The following DMBT1 variants were observed in gnomAD, a reference collection of about 807,000 sequenced individuals.
DMBT1 encodes the protein scavenger receptor cysteine-rich domain-containing protein DMBT1.
DMBT1 carries 198 observed loss-of-function variants against 252.9 expected under a neutral mutation model. The ratio of observed to expected loss-of-function variants is 0.78; its 90% CI spans 0.70 to 0.88. The LOEUF is 0.88. DMBT1 is among the 40% of genes least tolerant of loss of function. The pLI, the probability that DMBT1 is intolerant of heterozygous loss-of-function variation, is 0.00. For synonymous variants in DMBT1, 990 were observed against 942.7 expected (o/e 1.05, Z -0.92); for missense variants, 2,432 against 2,404.7 (o/e 1.01, Z -0.24).
Position 122,631,839 on chromosome 10 carries a change from T to A in DMBT1, c.6347-16T>A. 1 of 1,613,860 alleles carries A rather than the reference T, an allele frequency of 6.2e-7. No homozygotes were observed. Among genetic ancestry groups the A allele is most frequent in the East Asian group, 2.2e-5 (1 of 44,856 alleles). On this transcript the variant is annotated splice_polypyrimidine_tract_variant and intron_variant, in intron 49 of 55. Coordinates refer to ENST00000338354, the MANE Select transcript of DMBT1 (RefSeq NM_001377530.1). ...ACATGTCTGTGACCTATGCTTTTTT[T>A]CTATTCCTTTTTCAGGAAACCATCT... is the stretch of plus-strand genomic sequence containing the variant.
At chr10:122,618,475 G>C (rs1242177653) in intron 41 of DMBT1, 135 bp downstream of exon 41, 2 of 1,492,268 alleles carry the variant, frequency 1.3e-6, no homozygotes, top group Admixed American at 4.7e-5. Context: ...TTAGCTCTCT[G>C]CTAAGAATCT....
At chr10:122,568,270 G>A (rs372525217) in intron 2 of DMBT1, among the ~76,000 whole-genome samples, 33 of 152,206 alleles carry the variant, frequency 2.2e-4, no homozygotes, top group African/African-American at 7.9e-4. Flanking sequence ...GGGATGATGT[G>A]GGGGGTAGGA....
At chr10:122,590,211 C>A (rs1378800544) in intron 17 of DMBT1, among the ~76,000 whole-genome samples, 1 of 148,896 alleles carries the variant, frequency 6.7e-6, no homozygotes. Flanking sequence ...GAGTGCTTGA[C>A]TGCAATTCCC....
chr10:122,621,130 T>C lies in DMBT1; in HGVS notation c.5358T>C (p.Tyr1786=), dbSNP rs776976248. ...GTCGAGGCCGAGTGGAGGTCCTGTA[T>C]CGAGGCTCCTGGGGAACCGTGTGTG... ...DRCRGRVEVL[Y]RGSWGTVCDD... The change falls in exon 44 of 56, where the codon TAT becomes TAC. Residue 1786 remains tyrosine (Y), a synonymous_variant. Coordinates refer to ENST00000338354, the MANE Select transcript of DMBT1 (RefSeq NM_001377530.1). 1.9e-6 allele frequency: 3 copies of C among 1,613,740 alleles called. No homozygotes were observed. Among genetic ancestry groups the C allele is most frequent in the Non-Finnish European group, 2.5e-6 (3 of 1,179,740 alleles).
chr10:122,634,403 T>TC (rs1225735537), intron 52 of DMBT1, among the ~76,000 whole-genome samples: 36 of 140,810 alleles, frequency 2.6e-4, no homozygotes, highest in Non-Finnish European at 5.0e-4. Flanking sequence ...TTTCTTTCTT[T>TC]TCTTTCTTTC....
intron 8 of DMBT1, among the ~76,000 whole-genome samples, chr10:122,578,124 C>A (rs534727135): frequency 4.9e-4 from 75 of 152,300 alleles, no homozygotes; most frequent in Non-Finnish European, 9.6e-4. Context: ...TGAGCTTTGG[C>A]CTCTTTATAT....
At chr10:122,637,748 A>C (rs889561234) in intron 54 of DMBT1, among the ~76,000 whole-genome samples, 1 of 152,242 alleles carries the variant, frequency 6.6e-6, no homozygotes, top group African/African-American at 2.4e-5. Flanking sequence ...CTGTGCAAAC[A>C]CATTGCTAGG....
Position 122,564,025 on chromosome 10 carries a change from C to T in DMBT1, c.62-1942C>T, listed in dbSNP as rs540177878. On this transcript the variant is annotated intron_variant, in intron 1 of 55. Transcript: ENST00000338354. ...GTGGGGATGTTCTGGTACAGAGTTCCCTAGTTTGCTATCTCTGTTGAAAGA... is the reference window on the plus strand; with the variant it reads ...GTGGGGATGTTCTGGTACAGAGTTCTCTAGTTTGCTATCTCTGTTGAAAGA... Among the ~76,000 whole-genome samples the T allele has an allele frequency of 9.2e-5, 14 of 152,272 alleles. No homozygotes were observed. In the South Asian group the frequency reaches 2.5e-3, roughly 27 times the overall value.
rs201204443 is a variant in DMBT1, at chr10:122,592,403, G to A, written c.2308G>A (p.Val770Ile). The A allele has an allele frequency of 9.4e-5, 149 of 1,588,586 alleles. 2 individuals are homozygous for A. In the African/African-American group the frequency reaches 1.7e-3, roughly 18 times the overall value. The change falls in exon 20 of 56, where the codon GTC (valine) becomes ATC (isoleucine). Residue 770 changes from valine (V) to isoleucine (I), a missense_variant. Around this residue, in one of 3 missense-constraint regions of DMBT1, gnomAD observed 1,264 missense variants for 1,082.2 expected, o/e 1.17. Transcript: ENST00000338354. ...CTGGGATACCAATGATGCCAATGTGGTCTGCAGGCAGCTGGGCTGTGGCTG... is the reference window on the plus strand; with the variant it reads ...CTGGGATACCAATGATGCCAATGTGATCTGCAGGCAGCTGGGCTGTGGCTG... ...DSWDTNDANV[V>I]CRQLGCGWAT...
chr10:122,625,733 G>A (rs188549286), intron 45 of DMBT1, among the ~76,000 whole-genome samples, 200 bp from the exon 46 acceptor site: 1 of 152,336 alleles, frequency 6.6e-6, no homozygotes, highest in South Asian at 2.1e-4. Context: ...GTGCCACAGT[G>A]AAAATATCCT....
Position 122,640,209 on chromosome 10 carries a change from C to G in DMBT1, c.7112C>G (p.Thr2371Ser). 1.9e-6 allele frequency: 3 copies of G among 1,614,064 alleles called. No individual in the cohort carries two copies. Among genetic ancestry groups the G allele is most frequent in the Non-Finnish European group, 2.5e-6 (3 of 1,179,902 alleles). The change falls in exon 55 of 56, where the codon ACC becomes AGC. Residue 2371 changes from threonine (T) to serine (S), a missense_variant. Thr to Ser is a moderately conservative substitution (Grantham distance 58, BLOSUM62 1). Coordinates refer to ENST00000338354, the MANE Select transcript of DMBT1 (RefSeq NM_001377530.1). ...GACACCATCCACGTTGCTAATAACA[C>G]CATCCAGGTCGAGGAAGTCCAGTAT... is the stretch of plus-strand genomic sequence containing the variant. ...ANDTIHVANN[T>S]IQVEEVQYGN...
chr10:122,631,608 A>G (rs749857769), intron 49 of DMBT1, among the ~76,000 whole-genome samples: 1 of 152,168 alleles, frequency 6.6e-6, no homozygotes, highest in Non-Finnish European at 1.5e-5. Context: ...TAGAACAATC[A>G]TGGTCAAGGA....
chr10:122,596,953 T>C, intron 23 of DMBT1, 72 bp from the exon 24 acceptor site: 2 of 413,416 alleles, frequency 4.8e-6, no homozygotes, highest in Non-Finnish European at 8.1e-6. Context: ...ATCTGTTTAG[T>C]TCCTTCCACC....
intron 17 of DMBT1, 65 bp from the exon 18 acceptor site, chr10:122,590,600 T>C: frequency 6.4e-7 from 1 of 1,555,968 alleles, no homozygotes; most frequent in Admixed American, 1.7e-5. Flanking sequence ...TAGTTCCTTG[T>C]ACCTTTGTTC....
Position 122,579,772 on chromosome 10 carries a change from G to A in DMBT1, c.874G>A (p.Gly292Ser). The change falls in exon 10 of 56, where the codon GGC becomes AGC. Residue 292 changes from glycine (G) to serine (S), a missense_variant. By Grantham distance (56) the Gly-to-Ser change is moderately conservative. Around this residue, in one of 3 missense-constraint regions of DMBT1, gnomAD observed 1,264 missense variants for 1,082.2 expected, o/e 1.17. Coordinates refer to ENST00000338354, the MANE Select transcript of DMBT1 (RefSeq NM_001377530.1). ...SAPGNAQFGQ[G>S]SGPIVLDDVR... ...CCCAGGAAATGCCCAGTTTGGCCAGGGCTCAGGACCCATTGTCCTGGATGA... is the reference window on the plus strand; with the variant it reads ...CCCAGGAAATGCCCAGTTTGGCCAGAGCTCAGGACCCATTGTCCTGGATGA... The A allele has an allele frequency of 1.2e-6, 2 of 1,613,826 alleles. No homozygotes were observed. Among genetic ancestry groups the A allele is most frequent in the Admixed American group, 1.7e-5 (1 of 60,014 alleles).
intron 43 of DMBT1, among the ~76,000 whole-genome samples, chr10:122,620,517 A>G (rs928085747): frequency 2.6e-5 from 4 of 152,156 alleles, no homozygotes; most frequent in Admixed American, 1.3e-4. Context: ...GTAGTCAGGA[A>G]AGATCCTCAG....
chr10:122,631,281 G>C lies in DMBT1; in HGVS notation c.6346G>C (p.Gly2116Arg). 1.2e-6 allele frequency: 2 copies of C among 1,612,698 alleles called. 1 individual carries two copies. Among genetic ancestry groups the C allele is most frequent in the South Asian group, 2.2e-5 (2 of 91,062 alleles). ...TGAAGATGCTGGTGTCATCTGCTCA[G>C]GTATGGCCCAATGCCATGGAAGGCC... ...HREDAGVICSGNHLSTPAPFL... is the reference protein window; with the variant it reads ...HREDAGVICSRNHLSTPAPFL... The change falls in exon 49 of 56, where the codon GGA becomes CGA. Residue 2116 changes from glycine to arginine, a missense_variant and splice_region_variant. Gly to Arg is a moderately radical substitution (Grantham distance 125). Around this residue, in one of 3 missense-constraint regions of DMBT1, gnomAD observed 1,162 missense variants for 1,169.0 expected, o/e 0.99. Coordinates refer to ENST00000338354, the MANE Select transcript of DMBT1 (RefSeq NM_001377530.1).
chr10:122,642,018 C>G (rs565428675), intron 55 of DMBT1, among the ~76,000 whole-genome samples: 1 of 152,258 alleles, frequency 6.6e-6, no homozygotes, highest in South Asian at 2.1e-4. Context: ...CTGTGGCATT[C>G]TGGTCTGCGT....
At chr10:122,628,206 G>C (rs1402972697) in intron 46 of DMBT1, among the ~76,000 whole-genome samples, 1 of 152,208 alleles carries the variant, frequency 6.6e-6, no homozygotes, top group African/African-American at 2.4e-5. Flanking sequence ...TGTCCATACA[G>C]AAACTTGTAT....
Sources: gnomAD v4.1 joint callset for allele counts (sites outside exome capture counted in the v4.1 genomes callset) on GRCh38, gnomAD v4.1.1 for gene constraint, gnomAD v4.1.1 regional missense constraint, MANE v1.5 for transcripts, NCBI Gene and HGNC (gene_info 2026-07-23, HGNC 2026-07-21) for gene names.